Variants in CSMD3 observed in about 807,000 individuals in gnomAD.
CSMD3 encodes CUB and Sushi multiple domains 3.
Under a neutral mutation model 435.2 loss-of-function variants are expected in CSMD3, and 177 were observed. That is an observed-to-expected ratio of 0.41 (90% confidence interval 0.36 to 0.46). CSMD3 has a LOEUF of 0.46. Among genes scored for constraint, CSMD3 ranks in the 20% least tolerant of loss-of-function variants. The pLI is 0.34. For missense variants in CSMD3, 4,265 were observed against 4,504.6 expected (o/e 0.95, Z 1.52); for synonymous variants, 1,656 against 1,520.5 (o/e 1.09, Z -2.07).
chr8:112,808,585 C>A (rs910238879), intron 12 of CSMD3, among the ~76,000 whole-genome samples: 1 of 152,064 alleles, frequency 6.6e-6, no homozygotes, highest in East Asian at 1.9e-4. Flanking sequence ...CCTAAGCCCC[C>A]GCATTTGTGT....
At chr8:112,876,021 T>C (rs952578811) in intron 10 of CSMD3, among the ~76,000 whole-genome samples, 3 of 152,162 alleles carry the variant, frequency 2.0e-5, no homozygotes, top group African/African-American at 7.2e-5. Context: ...TTTCAACCTT[T>C]TTGCATTGGT....
At chr8:113,123,060 A>G (rs1458123573) in intron 4 of CSMD3, among the ~76,000 whole-genome samples, 3 of 150,590 alleles carry the variant, frequency 2.0e-5, no homozygotes, top group Non-Finnish European at 2.9e-5. Flanking sequence ...TAGTGAAGTC[A>G]CATGTTAGCT....
chr8:113,149,654 AT>A (rs1249955522), intron 4 of CSMD3, among the ~76,000 whole-genome samples: 1 of 151,918 alleles, frequency 6.6e-6, no homozygotes, highest in Admixed American at 6.6e-5. Flanking sequence ...TAATCCCAAA[AT>A]TTACTTTTAG....
chr8:112,983,858 T>C (rs1031937085), intron 6 of CSMD3, among the ~76,000 whole-genome samples: 2 of 151,922 alleles, frequency 1.3e-5, no homozygotes, highest in Non-Finnish European at 2.9e-5. Context: ...GTGTTGACTG[T>C]GAAAGGGTTG....
chr8:112,357,862 T>C (rs527307619), intron 38 of CSMD3, among the ~76,000 whole-genome samples: 3 of 152,078 alleles, frequency 2.0e-5, no homozygotes, highest in Admixed American at 6.5e-5. Flanking sequence ...GGAAGGGAAA[T>C]GTGGGGTTAG....
chr8:112,733,104 C>A (rs1175361900), intron 13 of CSMD3, among the ~76,000 whole-genome samples: 1 of 152,036 alleles, frequency 6.6e-6, no homozygotes, highest in Non-Finnish European at 1.5e-5. Context: ...AAGAATGATT[C>A]CACCTCCCTA....
At chr8:112,274,568 T>C (rs930757929) in intron 59 of CSMD3, among the ~76,000 whole-genome samples, 45 of 152,142 alleles carry the variant, frequency 3.0e-4, no homozygotes, top group African/African-American at 9.9e-4. Flanking sequence ...AAACTGCCCA[T>C]GGTTTGAGAA....
intron 7 of CSMD3, among the ~76,000 whole-genome samples, chr8:112,961,601 AAC>A (rs1412713457): frequency 6.6e-6 from 1 of 151,944 alleles, no homozygotes; most frequent in Non-Finnish European, 1.5e-5. Flanking sequence ...TGGAAAACTG[AAC>A]AGAGTGGTGA....
At chr8:113,110,978 G>A in intron 4 of CSMD3, among the ~76,000 whole-genome samples, 1 of 152,016 alleles carries the variant, frequency 6.6e-6, no homozygotes, top group East Asian at 1.9e-4. Flanking sequence ...AGCTCCTGTG[G>A]GCCTATTTTA....
rs573260414 is a variant in CSMD3 at position 113,080,076 on chromosome 8, G to T, written c.917+18680C>A. ...TCTCTTAGGGGAAGGACAGAGGATT[G>T]TTTGTTTGTTTGTTTGTTTTTATTT... On this transcript the variant is annotated intron_variant, in intron 5 of 70. Coordinates refer to ENST00000297405, the MANE Select transcript of CSMD3 (RefSeq NM_198123.2). Among the ~76,000 whole-genome samples the T allele has an allele frequency of 5.8e-3, 886 of 152,084 alleles. 4 individuals carry two copies. Among genetic ancestry groups the T allele is most frequent in the African/African-American group, 0.019 (798 of 41,504 alleles).
At chr8:112,544,286 T>C (rs1203045361) in intron 27 of CSMD3, among the ~76,000 whole-genome samples, 1 of 152,132 alleles carries the variant, frequency 6.6e-6, no homozygotes, top group Non-Finnish European at 1.5e-5. Context: ...ATAGGTACTG[T>C]AAAATGATTA....
chr8:112,507,087 T>C (rs949648317), intron 28 of CSMD3, among the ~76,000 whole-genome samples: 4 of 152,144 alleles, frequency 2.6e-5, no homozygotes, highest in Non-Finnish European at 5.9e-5. Flanking sequence ...ATATATACTT[T>C]TCTGTCTTTC....
At chr8:112,292,440 T>C in intron 55 of CSMD3, 97 bp downstream of exon 55, 1 of 1,258,544 alleles carries the variant, frequency 7.9e-7, no homozygotes, top group Non-Finnish European at 1.2e-6. Context: ...AGATAAAAAC[T>C]TTTTACTATT....
chr8:113,017,108 TCCCATCCCTCTTTTGAGTCCC>T (rs2086488709), intron 6 of CSMD3, among the ~76,000 whole-genome samples: 1 of 152,002 alleles, frequency 6.6e-6, no homozygotes, highest in Non-Finnish European at 1.5e-5. Flanking sequence ...TCGATATAAA[TCCCATCCCTCTTTTGAGTCCC>T]TTTTCCTGCA....
At chr8:112,581,507 A>G (rs1373673657) in intron 23 of CSMD3, among the ~76,000 whole-genome samples, 1 of 152,104 alleles carries the variant, frequency 6.6e-6, no homozygotes, top group Non-Finnish European at 1.5e-5. Flanking sequence ...ATAAAAATAT[A>G]TTCACTTTTA....
chr8:113,123,596 T>C (rs760308020), intron 4 of CSMD3, among the ~76,000 whole-genome samples: 1 of 152,052 alleles, frequency 6.6e-6, no homozygotes, highest in Non-Finnish European at 1.5e-5. Context: ...GGATCAAAAC[T>C]CGTTTCTAAC....
At chr8:113,037,751 G>A (rs1333585523) in intron 5 of CSMD3, among the ~76,000 whole-genome samples, 1 of 151,836 alleles carries the variant, frequency 6.6e-6, no homozygotes, top group Non-Finnish European at 1.5e-5. Flanking sequence ...TAGGACATTA[G>A]GCAAGGATCA....
intron 33 of CSMD3, among the ~76,000 whole-genome samples, 180 bp downstream of exon 33, chr8:112,408,739 T>C (rs942498155): frequency 6.6e-6 from 1 of 151,976 alleles, no homozygotes; most frequent in Non-Finnish European, 1.5e-5. Flanking sequence ...TAGTTGGTTG[T>C]ATTTTTCTCA....
At chr8:113,024,098 AACC>A (rs1414963052) in intron 5 of CSMD3, among the ~76,000 whole-genome samples, 1 of 152,142 alleles carries the variant, frequency 6.6e-6, no homozygotes, top group Non-Finnish European at 1.5e-5. Context: ...AGTCTCTGGT[AACC>A]ACTGTTCTAT....
Sources: allele counts gnomAD v4.1 joint callset (sites outside exome capture counted in the v4.1 genomes callset), GRCh38; gene constraint gnomAD v4.1.1; transcripts MANE v1.5; gene names NCBI Gene and HGNC (gene_info 2026-07-23, HGNC 2026-07-21).